Variants in LDLRAD3 observed in about 807,000 individuals in gnomAD.
LDLRAD3 encodes the protein low density lipoprotein receptor class A domain containing 3.
LDLRAD3 carries 20 observed loss-of-function variants against 29.4 expected under a neutral mutation model. The observed-to-expected ratio is 0.68, with a 90% CI of 0.48 to 0.99. The LOEUF is 0.99. LDLRAD3 is among the 50% of genes least tolerant of loss of function. The pLI is 0.00. For missense variants in LDLRAD3, 420 were observed against 454.3 expected (o/e 0.92, Z 0.69); for synonymous variants, 157 against 192.7 (o/e 0.81, Z 1.53).
rs57135512 is a variant in LDLRAD3, at chr11:36,078,229, G to A, written c.194-3424G>A. Among the ~76,000 whole-genome samples, 1,199 of 152,290 alleles carry A rather than the reference G, an allele frequency of 7.9e-3. 15 individuals carry two copies. The highest frequency in any genetic ancestry group is 0.028 in the African/African-American group (1,158 of 41,560). On this transcript the variant is annotated intron_variant, in intron 2 of 5. Transcript: ENST00000315571. ...TGCGGGACCCACAGCCTGGCCCTCAGGCCTCAGGCCTTCCCTGGCTTGAAG... is the reference window on the plus strand; with the variant it reads ...TGCGGGACCCACAGCCTGGCCCTCAAGCCTCAGGCCTTCCCTGGCTTGAAG...
intron 2 of LDLRAD3, among the ~76,000 whole-genome samples, chr11:36,074,317 G>C (rs1852957975): frequency 6.6e-6 from 1 of 152,202 alleles, no homozygotes; most frequent in Non-Finnish European, 1.5e-5. Flanking sequence ...GGAAAGAAAA[G>C]AAGGCTGAGG....
At chr11:36,081,192 A>G (rs773603245) in intron 2 of LDLRAD3, among the ~76,000 whole-genome samples, 1 of 152,144 alleles carries the variant, frequency 6.6e-6, no homozygotes, top group Non-Finnish European at 1.5e-5. Flanking sequence ...CCATCATCCC[A>G]TTGGGTGATT....
intron 4 of LDLRAD3, chr11:36,163,389 G>T (rs547022495): frequency 6.6e-6 from 1 of 152,310 alleles, no homozygotes; most frequent in African/African-American, 2.4e-5. Context: ...CCGAGGTGTG[G>T]CTTAGCCCAG....
chr11:36,158,751 T>C (rs1854391842), intron 4 of LDLRAD3, among the ~76,000 whole-genome samples: 1 of 152,152 alleles, frequency 6.6e-6, no homozygotes, highest in African/African-American at 2.4e-5. Flanking sequence ...AATGAATTAA[T>C]GCTGTTAAAA....
intron 4 of LDLRAD3, among the ~76,000 whole-genome samples, chr11:36,199,735 G>T (rs1305433564): frequency 6.6e-6 from 1 of 152,204 alleles, no homozygotes; most frequent in East Asian, 1.9e-4. Flanking sequence ...CTCTTGAGTT[G>T]ATTTTTCTCT....
chr11:36,052,552 G>A (rs1258860469), intron 2 of LDLRAD3, among the ~76,000 whole-genome samples: 2 of 152,240 alleles, frequency 1.3e-5, no homozygotes, highest in Non-Finnish European at 2.9e-5. Flanking sequence ...GAGGCAGTGT[G>A]TGGAGTGCTT....
At chr11:36,101,521 T>C (rs1217028048) in intron 4 of LDLRAD3, among the ~76,000 whole-genome samples, 2 of 152,170 alleles carry the variant, frequency 1.3e-5, no homozygotes, top group Non-Finnish European at 2.9e-5. Context: ...TTGTTTAAAT[T>C]GGGTAGAGAA....
At chr11:36,124,792 A>G (rs1853812226) in intron 4 of LDLRAD3, among the ~76,000 whole-genome samples, 1 of 151,828 alleles carries the variant, frequency 6.6e-6, no homozygotes, top group African/African-American at 2.4e-5. Flanking sequence ...CCTGGGTTCA[A>G]GCAATTCTCA....
At chr11:36,179,245 G>A (rs1004468641) in intron 4 of LDLRAD3, among the ~76,000 whole-genome samples, 25 of 152,078 alleles carry the variant, frequency 1.6e-4, no homozygotes, top group Admixed American at 8.5e-4. Context: ...AGGCTGAGGC[G>A]GATGGATCAC....
At chr11:36,112,573 C>T (rs908687097) in intron 4 of LDLRAD3, among the ~76,000 whole-genome samples, 2 of 152,206 alleles carry the variant, frequency 1.3e-5, no homozygotes, top group East Asian at 1.9e-4. Context: ...GTTGACCAAA[C>T]CTTAAGTGGA....
intron 4 of LDLRAD3, among the ~76,000 whole-genome samples, chr11:36,193,816 G>T (rs568051505): frequency 6.6e-6 from 1 of 152,276 alleles, no homozygotes; most frequent in South Asian, 2.1e-4. Flanking sequence ...AAGCCACCGA[G>T]TGTAGTGGAA....
intron 4 of LDLRAD3, among the ~76,000 whole-genome samples, chr11:36,144,412 T>C (rs1427372681): frequency 2.2e-5 from 3 of 139,432 alleles, no homozygotes; most frequent in East Asian, 2.6e-4. Flanking sequence ...GTGAGGAGCC[T>C]CTCTGCCTGG....
chr11:36,120,052 T>A (rs1853731261), intron 4 of LDLRAD3, among the ~76,000 whole-genome samples: 1 of 152,242 alleles, frequency 6.6e-6, no homozygotes, highest in Admixed American at 6.5e-5. Context: ...GGATGTCCAG[T>A]TGTCCCAGCA....
At chr11:35,979,599 ACTGT>A (rs1281025135) in intron 1 of LDLRAD3, among the ~76,000 whole-genome samples, 1 of 152,108 alleles carries the variant, frequency 6.6e-6, no homozygotes, top group African/African-American at 2.4e-5. Flanking sequence ...GAGCGTTGAG[ACTGT>A]CTGTCTCAGA....
intron 4 of LDLRAD3, among the ~76,000 whole-genome samples, chr11:36,204,911 A>G (rs1254168960): frequency 6.6e-6 from 1 of 152,160 alleles, no homozygotes; most frequent in Admixed American, 6.5e-5. Flanking sequence ...GGGTTGTCAC[A>G]TTGGCACTTG....
intron 1 of LDLRAD3, among the ~76,000 whole-genome samples, chr11:36,012,261 T>C (rs1472635057): frequency 6.6e-6 from 1 of 152,220 alleles, no homozygotes; most frequent in Admixed American, 6.5e-5. Flanking sequence ...TAAGCACTTA[T>C]CACACACTCT....
chr11:36,050,647 C>T (rs1852513583), intron 2 of LDLRAD3, among the ~76,000 whole-genome samples: 1 of 152,194 alleles, frequency 6.6e-6, no homozygotes, highest in African/African-American at 2.4e-5. Context: ...GCTGCATCCT[C>T]TCTATTTTTC....
At chr11:36,222,272 C>T (rs1855439580) in intron 4 of LDLRAD3, among the ~76,000 whole-genome samples, 1 of 152,134 alleles carries the variant, frequency 6.6e-6, no homozygotes, top group Non-Finnish European at 1.5e-5. Context: ...TTTGCAGAGA[C>T]AGGGTCTCCC....
intron 4 of LDLRAD3, among the ~76,000 whole-genome samples, chr11:36,193,612 G>C (rs1019666106): frequency 6.6e-6 from 1 of 151,982 alleles, no homozygotes; most frequent in South Asian, 2.1e-4. Flanking sequence ...AGATGTTGTC[G>C]CATGCCCCTC....
Sources: gnomAD v4.1 joint callset for allele counts (sites outside exome capture counted in the v4.1 genomes callset) on GRCh38, gnomAD v4.1.1 for gene constraint, MANE v1.5 for transcripts, NCBI Gene and HGNC (gene_info 2026-07-23, HGNC 2026-07-21) for gene names.